Variants in CTNNA2 observed in about 807,000 individuals in gnomAD.
The protein encoded by CTNNA2 is catenin alpha 2, also known as catenin alpha-2.
Under a neutral mutation model 101.0 loss-of-function variants are expected in CTNNA2, and 42 were observed. The ratio of observed to expected loss-of-function variants is 0.42; its 90% CI spans 0.32 to 0.54. The LOEUF (loss-of-function observed/expected upper bound fraction) is 0.54, where lower values mean the gene tolerates loss of function less well. Among genes scored for constraint, CTNNA2 ranks in the 20% least tolerant of loss-of-function variants. The pLI is 0.14. For missense variants in CTNNA2, 871 were observed against 1,223.1 expected (o/e 0.71, Z 4.29); for synonymous variants, 450 against 456.4 (o/e 0.99, Z 0.18).
At chr2:79,253,987 AT>A (rs751428756) in intron 2 of CTNNA2, among the ~76,000 whole-genome samples, 1 of 152,160 alleles carries the variant, frequency 6.6e-6, no homozygotes, top group Non-Finnish European at 1.5e-5. Flanking sequence ...CAGCTCATAG[AT>A]TATCTCAAAG....
At chr2:79,430,391 G>A (rs1678647192) in intron 4 of CTNNA2, among the ~76,000 whole-genome samples, 1 of 152,122 alleles carries the variant, frequency 6.6e-6, no homozygotes, top group Non-Finnish European at 1.5e-5. Context: ...ATCCCAGACA[G>A]TCAGTCATAA....
At chr2:80,430,741 A>G (rs1201714687) in intron 9 of CTNNA2, among the ~76,000 whole-genome samples, 1 of 152,162 alleles carries the variant, frequency 6.6e-6, no homozygotes, top group Non-Finnish European at 1.5e-5. Flanking sequence ...GTTACATTTC[A>G]TGTTGCTTCT....
chr2:80,602,885 C>G (rs536055691), intron 15 of CTNNA2, among the ~76,000 whole-genome samples: 166 of 152,126 alleles, frequency 1.1e-3, no homozygotes, highest in Non-Finnish European at 1.9e-3. Flanking sequence ...TTTACTTATA[C>G]TGACTAATGT....
rs1261654980 is a variant in CTNNA2, at chr2:80,460,090, C to T, written c.1290+40489C>T. ...TACTAATGCTCCTGAAATTTAAACT[C>T]TTAAGACTCTATACATAAGTCAGAT... On this transcript the variant is annotated intron_variant, in intron 9 of 18. Transcript: ENST00000402739. 2.0e-5 allele frequency among the ~76,000 whole-genome samples: 3 copies of T among 152,222 alleles called. No individual in the cohort carries two copies. The South Asian group carries it at 6.2e-4, about 32-fold the overall frequency.
intron 9 of CTNNA2, among the ~76,000 whole-genome samples, chr2:80,426,672 G>A (rs2149418568): frequency 6.6e-6 from 1 of 152,190 alleles, no homozygotes; most frequent in South Asian, 2.1e-4. Context: ...ACATTGTAAA[G>A]AAGCTTACGT....
intron 4 of CTNNA2, among the ~76,000 whole-genome samples, chr2:79,497,213 G>A (rs1024255484): frequency 4.6e-5 from 7 of 152,174 alleles, no homozygotes; most frequent in East Asian, 3.9e-4. Context: ...CATGGAGACC[G>A]TACTCTCCCT....
chr2:80,468,041 C>T (rs1684999156), intron 9 of CTNNA2, among the ~76,000 whole-genome samples: 2 of 152,142 alleles, frequency 1.3e-5, no homozygotes. Context: ...AGGATTTACA[C>T]TTTTCCTGAT....
At chr2:80,641,943 C>T (rs1271652023) in intron 18 of CTNNA2, among the ~76,000 whole-genome samples, 1 of 152,002 alleles carries the variant, frequency 6.6e-6, no homozygotes, top group Non-Finnish European at 1.5e-5. Context: ...GTATGCAGAA[C>T]ATCACCCTAC....
intron 14 of CTNNA2, among the ~76,000 whole-genome samples, chr2:80,588,366 G>A (rs1012205975): frequency 6.6e-6 from 1 of 152,182 alleles, no homozygotes; most frequent in Admixed American, 6.5e-5. Flanking sequence ...CTTGTTTACA[G>A]TACGAGAGCT....
At chr2:79,495,226 A>G (rs559366792) in intron 4 of CTNNA2, among the ~76,000 whole-genome samples, 63 of 152,366 alleles carry the variant, frequency 4.1e-4, no homozygotes, top group Non-Finnish European at 6.5e-4. Context: ...TTTGTATCTG[A>G]TACAGAATTA....
At chr2:79,978,779 T>G (rs1416883109) in intron 7 of CTNNA2, among the ~76,000 whole-genome samples, 1 of 152,156 alleles carries the variant, frequency 6.6e-6, no homozygotes, top group African/African-American at 2.4e-5. Flanking sequence ...GGTCACTAAT[T>G]CTTCATCTTT....
intron 3 of CTNNA2, among the ~76,000 whole-genome samples, chr2:79,848,705 A>C (rs1338279338): frequency 6.6e-6 from 1 of 152,206 alleles, no homozygotes; most frequent in Non-Finnish European, 1.5e-5. Flanking sequence ...GTACTTTTGC[A>C]TACTGAACAT....
At chr2:80,271,692 G>A (rs561530271) in intron 7 of CTNNA2, among the ~76,000 whole-genome samples, 13 of 152,278 alleles carry the variant, frequency 8.5e-5, no homozygotes, top group Admixed American at 8.5e-4. Context: ...AAAGTGCTGG[G>A]ATTACAGGTG....
chr2:80,189,473 T>C (rs1900254), intron 7 of CTNNA2, among the ~76,000 whole-genome samples: 138,490 of 152,310 alleles, frequency 0.91, 63,108 homozygotes, highest in African/African-American at 0.96. Flanking sequence ...CATTCTTCCC[T>C]GCAGCATGGG....
chr2:79,672,744 T>C (rs941060451), intron 2 of CTNNA2, among the ~76,000 whole-genome samples: 5 of 151,226 alleles, frequency 3.3e-5, no homozygotes. Context: ...GTTTTGCTCT[T>C]ACTGCCCAGG....
intron 3 of CTNNA2, among the ~76,000 whole-genome samples, chr2:79,777,396 T>C (rs1047704625): frequency 2.0e-5 from 3 of 151,102 alleles, no homozygotes; most frequent in Non-Finnish European, 4.4e-5. Context: ...GTATATTCAT[T>C]TGCATTCCTT....
intron 1 of CTNNA2, among the ~76,000 whole-genome samples, chr2:79,194,574 A>T (rs1241244768): frequency 2.6e-5 from 4 of 152,164 alleles, no homozygotes; most frequent in Admixed American, 2.0e-4. Context: ...CCCAGAGCAA[A>T]CTTGTAGCCA....
chr2:80,260,728 G>A (rs1672546714), intron 7 of CTNNA2, among the ~76,000 whole-genome samples: 1 of 152,128 alleles, frequency 6.6e-6, no homozygotes, highest in African/African-American at 2.4e-5. Flanking sequence ...ATAGCAAAGA[G>A]CAGAGCCAAC....
At chr2:79,881,345 GT>G in intron 6 of CTNNA2, among the ~76,000 whole-genome samples, 1 of 152,300 alleles carries the variant, frequency 6.6e-6, no homozygotes, top group Non-Finnish European at 1.5e-5. Context: ...CCAGAGCTGA[GT>G]TCAGTCCTGA....
Sources: allele counts gnomAD v4.1 joint callset (sites outside exome capture counted in the v4.1 genomes callset), GRCh38; gene constraint gnomAD v4.1.1; transcripts MANE v1.5; gene names NCBI Gene and HGNC (gene_info 2026-07-23, HGNC 2026-07-21).